Variants in COPE observed in about 807,000 individuals in gnomAD.
COPE encodes coatomer subunit epsilon.
In COPE, 19 loss-of-function variants were observed where a neutral mutation model predicts 42.1. The observed-to-expected ratio is 0.45, with a 90% CI of 0.31 to 0.66. The LOEUF is 0.66. Ranked by LOEUF, COPE falls within the 30% of genes least tolerant of loss-of-function variation. COPE has a pLI of 0.05. For missense variants in COPE, 402 were observed against 416.1 expected (o/e 0.97, Z 0.30); for synonymous variants, 195 against 181.3 (o/e 1.08, Z -0.60).
chr19:18,903,441 C>CA lies in COPE; in HGVS notation c.580-19dup, dbSNP rs1311229386. ...TCACCACCCTGCAGGGAGGGTCCCG[C>CA]ATCATTGCCTGTGCCCCTGCTGCCC... On this transcript the variant is annotated intron_variant, in intron 6 of 9. Coordinates refer to ENST00000262812, the MANE Select transcript of COPE (RefSeq NM_007263.4). 3.1e-6 allele frequency: 5 copies of CA among 1,589,940 alleles called. No individual in the cohort carries two copies. The Admixed American group carries it at 8.7e-5, about 28-fold the overall frequency.
chr19:18,908,521 C>CT (rs1555710207), intron 3 of COPE, among the ~76,000 whole-genome samples: 46 of 146,824 alleles, frequency 3.1e-4, no homozygotes, highest in South Asian at 2.4e-3. Context: ...CCCCATCTCT[C>CT]TTTTTTTTTT....
At chr19:18,900,009 G>T in intron 8 of COPE, 62 bp from the exon 9 acceptor site, 2 of 1,466,666 alleles carry the variant, frequency 1.4e-6, no homozygotes, top group Non-Finnish European at 1.9e-6. Context: ...GCTCTGACCT[G>T]CTGGACAGGG....
intron 5 of COPE, among the ~76,000 whole-genome samples, 175 bp from the exon 6 acceptor site, chr19:18,905,027 G>A (rs757577358): frequency 2.6e-5 from 4 of 152,204 alleles, no homozygotes; most frequent in Non-Finnish European, 2.9e-5. Flanking sequence ...GTCTGACCAC[G>A]TGCAGGCCCT....
intron 7 of COPE, among the ~76,000 whole-genome samples, chr19:18,902,416 G>A (rs1291241653): frequency 6.6e-6 from 1 of 150,884 alleles, no homozygotes; most frequent in Non-Finnish European, 1.5e-5. Context: ...TATAATCCCA[G>A]CACTTTGGGA....
intron 7 of COPE, 30 bp downstream of exon 7, chr19:18,903,238 G>A (rs373544000): frequency 4.9e-5 from 75 of 1,534,470 alleles, no homozygotes; most frequent in South Asian, 8.7e-5. Flanking sequence ...CCTTCCCTCC[G>A]TCCCCACTCT....
At chr19:18,913,608 GGGACC>G (rs898967743) in intron 1 of COPE, among the ~76,000 whole-genome samples, 2 of 58,270 alleles carry the variant, frequency 3.4e-5, no homozygotes, top group Non-Finnish European at 6.2e-5. Context: ...GAGGGAGGCT[GGGACC>G]GCTCTCCAGA....
Position 18,903,446 on chromosome 19 carries a change from T to G in COPE, c.580-23A>C, listed in dbSNP as rs200033997. Reference sequence around the variant, plus strand: ...ACCCTGCAGGGAGGGTCCCGCATCATTGCCTGTGCCCCTGCTGCCCGGCCC... The same window carrying G: ...ACCCTGCAGGGAGGGTCCCGCATCAGTGCCTGTGCCCCTGCTGCCCGGCCC... On this transcript the variant is annotated intron_variant, in intron 6 of 9. Coordinates refer to ENST00000262812, the MANE Select transcript of COPE (RefSeq NM_007263.4). The G allele has an allele frequency of 1.9e-6, 3 of 1,585,836 alleles. No individual in the cohort carries two copies. In the African/African-American group the frequency reaches 4.1e-5, roughly 21 times the overall value.
intron 3 of COPE, 128 bp from the exon 4 acceptor site, chr19:18,907,240 A>C (rs986080500): frequency 3.6e-5 from 36 of 992,724 alleles, no homozygotes; most frequent in Non-Finnish European, 4.9e-5. Flanking sequence ...GAGCAGCAGC[A>C]GGCCGAGCAT....
chr19:18,899,927 G>A lies in COPE; in HGVS notation c.825C>T (p.Ser275=), dbSNP rs112348793. Residue 275 remains serine (S), a synonymous_variant, in exon 9 of 10, where the codon TCC becomes TCT. Coordinates refer to ENST00000262812, the MANE Select transcript of COPE (RefSeq NM_007263.4). ...GGGACCTGTGGGCATCCTTCAGCTG[G>A]GACAGGTATCGGTTTGTCACCTGCA... The part of the protein sequence containing the change: ...KPPEVTNRYL[S]QLKDAHRSHP... 53 of 1,613,458 alleles carry A rather than the reference G, an allele frequency of 3.3e-5. No homozygotes were observed. In the African/African-American group the frequency reaches 4.3e-4, roughly 13 times the overall value.
At chr19:18,908,173 T>C (rs1351927152) in intron 3 of COPE, among the ~76,000 whole-genome samples, 1 of 152,202 alleles carries the variant, frequency 6.6e-6, no homozygotes, top group Non-Finnish European at 1.5e-5. Context: ...GGCTCACACC[T>C]GTAACCCCAG....
At chr19:18,913,098 C>T in intron 1 of COPE, 52 bp from the exon 2 acceptor site, 1 of 1,523,172 alleles carries the variant, frequency 6.6e-7, no homozygotes, top group Non-Finnish European at 9.0e-7. Flanking sequence ...CAGCGCAGCC[C>T]ACACAGGGTG....
At chr19:18,903,473 T>C in intron 6 of COPE, 50 bp from the exon 7 acceptor site, 6 of 1,541,470 alleles carry the variant, frequency 3.9e-6, no homozygotes, top group Admixed American at 1.9e-5. Context: ...GCCCGGCCCT[T>C]CCCCCGCCAG....
Position 18,911,555 on chromosome 19 carries a change from A to ATTT in COPE, c.190-487_190-485dup, listed in dbSNP as rs72129364. On this transcript the variant is annotated intron_variant, in intron 2 of 9. Transcript: ENST00000262812. ...TTCCCTCCTAGATGGTTCCTTCCCC[A>ATTT]TTTTTTTTTTTTTCGAGACGGAGTC... Among the ~76,000 whole-genome samples, 472 of 139,770 alleles carry ATTT rather than the reference A, an allele frequency of 3.4e-3. 4 individuals are homozygous for ATTT. Among genetic ancestry groups the ATTT allele is most frequent in the African/African-American group, 0.012 (455 of 39,014 alleles). The allele number at this position is 139,770 out of a possible 152,430, so 91.7% of individuals were successfully genotyped here.
At chr19:18,902,558 G>C (rs1392516677) in intron 7 of COPE, among the ~76,000 whole-genome samples, 1 of 148,968 alleles carries the variant, frequency 6.7e-6, no homozygotes, top group Non-Finnish European at 1.5e-5. Flanking sequence ...CCAGCTACTT[G>C]GGAGGCTGAG....
chr19:18,905,806 T>C, intron 4 of COPE, 177 bp from the exon 5 acceptor site: 2 of 613,914 alleles, frequency 3.3e-6, no homozygotes, highest in Middle Eastern at 2.5e-4. Context: ...CTCAGCTTCC[T>C]CAGGCCCAGG....
At chr19:18,903,469 C>G in intron 6 of COPE, 46 bp from the exon 7 acceptor site, 2 of 1,553,414 alleles carry the variant, frequency 1.3e-6, no homozygotes, top group South Asian at 2.4e-5. Flanking sequence ...TGCTGCCCGG[C>G]CCTTCCCCCG....
In COPE at chr19:18,904,783, G is replaced by C. The variant is rs990419787; in HGVS notation, c.567C>G (p.Val189=). The part of the protein sequence containing the change: ...ATLTQLATAW[V]SLATGGEKLQ... ...GCCTAGGGCTCACCGTGGCCAGGCT[G>C]ACCCAGGCAGTGGCGAGCTGGGTGA... The change falls in exon 6 of 10, where the codon GTC becomes GTG. Residue 189 remains valine, a synonymous_variant. Coordinates refer to ENST00000262812, the MANE Select transcript of COPE (RefSeq NM_007263.4). The C allele has an allele frequency of 7.7e-6, 12 of 1,553,380 alleles. No individual in the cohort carries two copies. The highest frequency in any genetic ancestry group is 1.0e-5 in the Non-Finnish European group (12 of 1,148,010).
rs1323846124 is a variant in COPE at position 18,918,196 on chromosome 19, AAAAAAAAG to A, written c.126+1019_126+1026del. ...GCGCGAGTCTCCATCTCAAAAAAAA[AAAAAAAAG>A]AAAAGAAAAGAAAAGAAAAAAGAAA... On this transcript the variant is annotated intron_variant, in intron 1 of 9. Coordinates refer to ENST00000262812, the MANE Select transcript of COPE (RefSeq NM_007263.4). Among the ~76,000 whole-genome samples the A allele has an allele frequency of 1.5e-3, 220 of 149,792 alleles. 1 individual carries two copies. The highest frequency in any genetic ancestry group is 2.5e-3 in the Non-Finnish European group (171 of 67,462).
Position 18,905,598 on chromosome 19 carries a change from G to A in COPE, c.475C>T (p.Leu159=), listed in dbSNP as rs1329002660. Residue 159 remains leucine, a synonymous_variant, in exon 5 of 10, where the codon CTG becomes TTG. Transcript: ENST00000262812. ...TAMTVQILLK[L]DRLDLARKEL... The stretch of plus-strand genomic sequence containing the variant: ...CACCGGGCGAGGTCCAGGCGGTCCA[G>A]CTTCAGCAGGATCTGCACTGTCATG... 1 of 1,593,486 alleles carries A rather than the reference G, an allele frequency of 6.3e-7. No homozygotes were observed. The highest frequency in any genetic ancestry group is 1.1e-5 in the South Asian group (1 of 89,322).
Sources: gnomAD v4.1 joint callset for allele counts (sites outside exome capture counted in the v4.1 genomes callset) on GRCh38, gnomAD v4.1.1 for gene constraint, MANE v1.5 for transcripts, NCBI Gene and HGNC (gene_info 2026-07-23, HGNC 2026-07-21) for gene names.